The following NCOA5 variants were observed in gnomAD, a reference collection of about 807,000 sequenced individuals.
NCOA5 encodes the protein NCoA-5.
A neutral mutation model predicts 59.0 loss-of-function variants in NCOA5; 12 were observed. That is an observed-to-expected ratio of 0.20 (90% CI 0.13 to 0.33). NCOA5 has a LOEUF of 0.33. Among genes scored for constraint, NCOA5 ranks in the 10% least tolerant of loss-of-function variants. NCOA5 has a pLI of 1.00. For synonymous variants in NCOA5, 270 were observed against 275.5 expected (o/e 0.98, Z 0.20); for missense variants, 655 against 766.6 (o/e 0.85, Z 1.72).
intron 2 of NCOA5, among the ~76,000 whole-genome samples, chr20:46,072,678 A>G (rs1339333268): frequency 1.3e-5 from 2 of 152,206 alleles, no homozygotes; most frequent in Non-Finnish European, 2.9e-5. Context: ...CGTGAGTAGC[A>G]GGAAGAGATC....
intron 1 of NCOA5, among the ~76,000 whole-genome samples, chr20:46,089,517 C>A (rs138959298): frequency 1.3e-5 from 2 of 152,324 alleles, no homozygotes; most frequent in Non-Finnish European, 2.9e-5. Flanking sequence ...TTGAGGACTC[C>A]TAGTGACCGA....
chr20:46,081,267 C>A (rs531476085), intron 1 of NCOA5, among the ~76,000 whole-genome samples: 17 of 152,144 alleles, frequency 1.1e-4, no homozygotes, highest in African/African-American at 3.6e-4. Flanking sequence ...GTTAAGAGTA[C>A]AACACATATA....
intron 2 of NCOA5, among the ~76,000 whole-genome samples, chr20:46,078,761 C>A (rs190667565): frequency 1.3e-4 from 20 of 152,096 alleles, no homozygotes; most frequent in African/African-American, 4.8e-4. Context: ...AGGGTACACA[C>A]CAGGATTATC....
intron 1 of NCOA5, among the ~76,000 whole-genome samples, chr20:46,084,967 T>C (rs530244408): frequency 6.6e-6 from 1 of 152,358 alleles, no homozygotes; most frequent in South Asian, 2.1e-4. Context: ...ATGCCTACTA[T>C]GTGTCACACA....
intron 7 of NCOA5, 107 bp downstream of exon 7, chr20:46,063,253 C>T: frequency 8.6e-7 from 1 of 1,156,850 alleles, no homozygotes; most frequent in Non-Finnish European, 1.2e-6. Flanking sequence ...GGACTTAGTT[C>T]CCTTACCCAC....
intron 4 of NCOA5, 86 bp from the exon 5 acceptor site, chr20:46,067,267 C>T (rs1034170391): frequency 1.2e-5 from 17 of 1,462,220 alleles, no homozygotes; most frequent in African/African-American, 1.4e-5. Context: ...GGTCATAATA[C>T]TCTGAATCAA....
At chr20:46,077,671 C>G (rs2084951964) in intron 2 of NCOA5, among the ~76,000 whole-genome samples, 1 of 152,170 alleles carries the variant, frequency 6.6e-6, no homozygotes. Context: ...CCTGGTAAGT[C>G]ACCAGGAAAC....
intron 1 of NCOA5, among the ~76,000 whole-genome samples, chr20:46,084,296 C>T (rs1372581879): frequency 6.6e-6 from 1 of 152,202 alleles, no homozygotes; most frequent in Non-Finnish European, 1.5e-5. Flanking sequence ...CACCAAAGTA[C>T]TTAAACATTA....
At chr20:46,069,514 T>C (rs1344533078) in intron 3 of NCOA5, among the ~76,000 whole-genome samples, 4 of 152,274 alleles carry the variant, frequency 2.6e-5, no homozygotes, top group East Asian at 1.9e-4. Flanking sequence ...GGCGGGAGGA[T>C]ACCTTGAGCT....
intron 1 of NCOA5, among the ~76,000 whole-genome samples, chr20:46,089,122 C>T (rs1332087118): frequency 6.6e-6 from 1 of 152,260 alleles, no homozygotes; most frequent in Non-Finnish European, 1.5e-5. Context: ...AGAAGCCCCT[C>T]GCCCGCTGGC....
At position 46,072,568 on chromosome 20, in the gene NCOA5, C is replaced by T. The variant is rs566337383; in HGVS notation, c.39-2032G>A. ...TGAAGGTCCTGTATAATCTTGGCTCCTGTCTTCTCTAACCCTGTCACACCC... is the reference window on the plus strand; with the variant it reads ...TGAAGGTCCTGTATAATCTTGGCTCTTGTCTTCTCTAACCCTGTCACACCC... On this transcript the variant is annotated intron_variant, in intron 2 of 7. Transcript: ENST00000290231. Among the ~76,000 whole-genome samples the T allele has an allele frequency of 4.6e-5, 7 of 152,294 alleles. No individual in the cohort carries two copies. In the South Asian group the frequency reaches 1.2e-3, roughly 27 times the overall value.
Position 46,063,456 on chromosome 20 carries a change from T to G in NCOA5, c.1054A>C (p.Asn352His). 1 of 1,614,218 alleles carries G rather than the reference T, an allele frequency of 6.2e-7. No homozygotes were observed. The highest frequency in any genetic ancestry group is 8.5e-7 in the Non-Finnish European group (1 of 1,180,036). ...IQSLINLLAD[N>H]RYLTAEETDK... ...GTCTCTTCAGCAGTGAGGTACCTGTTGTCTGCCAGCAGGTTGATGAGGCTC... is the reference window on the plus strand; with the variant it reads ...GTCTCTTCAGCAGTGAGGTACCTGTGGTCTGCCAGCAGGTTGATGAGGCTC... The change falls in exon 7 of 8, where the codon AAC (asparagine) becomes CAC (histidine). Residue 352 changes from asparagine to histidine, a missense_variant. Asn to His is a moderately conservative substitution (Grantham distance 68, BLOSUM62 1). Coordinates refer to ENST00000290231, the MANE Select transcript of NCOA5 (RefSeq NM_020967.3).
intron 2 of NCOA5, among the ~76,000 whole-genome samples, chr20:46,075,154 G>A (rs1055812292): frequency 1.3e-5 from 2 of 152,210 alleles, no homozygotes; most frequent in Non-Finnish European, 2.9e-5. Flanking sequence ...ATTAGGTGGA[G>A]GTAGGATATG....
intron 1 of NCOA5, among the ~76,000 whole-genome samples, chr20:46,086,116 G>A (rs993582372): frequency 2.0e-5 from 3 of 152,100 alleles, no homozygotes; most frequent in Non-Finnish European, 4.4e-5. Flanking sequence ...TATCAAAAGG[G>A]ATCTTCCCAC....
intron 5 of NCOA5, among the ~76,000 whole-genome samples, chr20:46,065,727 C>G (rs905968223): frequency 1.3e-5 from 2 of 151,956 alleles, no homozygotes; most frequent in South Asian, 2.1e-4. Flanking sequence ...TTTTTTTGAC[C>G]TTCCCTCCAA....
At chr20:46,089,618 G>C (rs1033749712) in intron 1 of NCOA5, among the ~76,000 whole-genome samples, 199 bp downstream of exon 1, 4 of 151,938 alleles carry the variant, frequency 2.6e-5, no homozygotes, top group African/African-American at 7.2e-5. Flanking sequence ...GGCCGGGCCT[G>C]GGCCTGACGG....
intron 1 of NCOA5, among the ~76,000 whole-genome samples, chr20:46,080,359 AC>A (rs1351261880): frequency 6.6e-6 from 1 of 152,210 alleles, no homozygotes; most frequent in African/African-American, 2.4e-5. Context: ...CTAAATAAAT[AC>A]ATTACAAATT....
rs778860316 is a variant in NCOA5 at position 46,065,180 on chromosome 20, T to C, written c.678A>G (p.Val226=). The C allele has an allele frequency of 6.2e-7, 1 of 1,614,048 alleles. No homozygotes were observed. The highest frequency in any genetic ancestry group is 1.3e-5 in the African/African-American group (1 of 74,906). The change falls in exon 6 of 8, where the codon GTA becomes GTG. Residue 226 remains valine, a synonymous_variant. Coordinates refer to ENST00000290231, the MANE Select transcript of NCOA5 (RefSeq NM_020967.3). ...VGRKVRDLGM[V]VDLIFLNTEV... The stretch of plus-strand genomic sequence containing the variant: ...CTGTGTTAAGGAAGATCAAGTCCAC[T>C]ACCATGCCCAGGTCTCGCACCTTCC...
chr20:46,082,908 T>C (rs575979267), intron 1 of NCOA5, among the ~76,000 whole-genome samples: 1 of 152,330 alleles, frequency 6.6e-6, no homozygotes, highest in Admixed American at 6.5e-5. Flanking sequence ...AATTTTATTT[T>C]AGACTAATAT....
Sources: gnomAD v4.1 joint callset for allele counts (sites outside exome capture counted in the v4.1 genomes callset) on GRCh38, gnomAD v4.1.1 for gene constraint, MANE v1.5 for transcripts, NCBI Gene and HGNC (gene_info 2026-07-23, HGNC 2026-07-21) for gene names.